SLC30A10: variants seen among roughly 807,000 people sequenced by gnomAD.
The protein encoded by SLC30A10 is calcium/manganese antiporter SLC30A10.
In SLC30A10, 8 loss-of-function variants were observed where a neutral mutation model predicts 21.7. That is an observed-to-expected ratio of 0.37 (90% CI 0.22 to 0.67). SLC30A10 has a LOEUF of 0.67. SLC30A10 is among the 30% of genes least tolerant of loss of function. The probability of loss-of-function intolerance (pLI) is 0.58; values close to 1 mark genes in which losing one functional copy is unlikely to be tolerated. For missense variants in SLC30A10, 521 were observed against 642.5 expected (o/e 0.81, Z 2.04); for synonymous variants, 272 against 279.4 (o/e 0.97, Z 0.26).
upstream of SLC30A10, among the ~76,000 whole-genome samples, chr1:219,932,763 T>G (rs2102538901): frequency 7.3e-6 from 1 of 137,770 alleles, no homozygotes; most frequent in East Asian, 2.2e-4. Context: ...TGCAAAAGAT[T>G]AAAAATGAGG....
At chr1:219,927,234 C>A in intron 1 of SLC30A10, 129 bp from the exon 2 acceptor site, 1 of 887,706 alleles carries the variant, frequency 1.1e-6, no homozygotes, top group East Asian at 2.7e-5. Flanking sequence ...TTCTGCACAC[C>A]CACAGCTCAG....
intron 1 of SLC30A10, among the ~76,000 whole-genome samples, chr1:219,950,944 G>A (rs898667218): frequency 2.0e-4 from 31 of 152,086 alleles, no homozygotes; most frequent in Admixed American, 1.2e-3. Context: ...GCAAAACTCC[G>A]TCTCAAAAAT....
chr1:219,940,891 T>C (rs773995314), intron 1 of SLC30A10, among the ~76,000 whole-genome samples: 3 of 152,198 alleles, frequency 2.0e-5, no homozygotes, highest in Admixed American at 6.5e-5. Flanking sequence ...TCAGATTTGT[T>C]TGGACAACTG....
upstream of SLC30A10, among the ~76,000 whole-genome samples, chr1:219,930,893 T>C (rs1050802559): frequency 3.9e-5 from 6 of 152,232 alleles, no homozygotes; most frequent in Admixed American, 1.3e-4. Context: ...ATAAATGTTC[T>C]ATTATTGTTG....
intron 1 of SLC30A10, among the ~76,000 whole-genome samples, chr1:219,943,816 G>A (rs1163004533): frequency 6.6e-6 from 1 of 152,054 alleles, no homozygotes; most frequent in African/African-American, 2.4e-5. Flanking sequence ...AACTCAATGG[G>A]AGGCCAGGCG....
chr1:219,927,680 A>ACCAC, intron 1 of SLC30A10, 121 bp downstream of exon 1: 1 of 447,718 alleles, frequency 2.2e-6, no homozygotes, highest in Non-Finnish European at 3.1e-6. Context: ...AACAACAACA[A>ACCAC]AAAAAAAAAA....
chr1:219,934,048 G>A (rs1194611079), intron 1 of SLC30A10, among the ~76,000 whole-genome samples: 1 of 152,198 alleles, frequency 6.6e-6, no homozygotes, highest in East Asian at 1.9e-4. Flanking sequence ...CAGCACATTG[G>A]AAGGCCGAGG....
At chr1:219,938,888 C>T (rs1335610964) in intron 1 of SLC30A10, among the ~76,000 whole-genome samples, 1 of 152,192 alleles carries the variant, frequency 6.6e-6, no homozygotes, top group Non-Finnish European at 1.5e-5. Context: ...GTCAGGCAGT[C>T]AGGCAGTATT....
chr1:219,939,441 T>C (rs1303936044), intron 1 of SLC30A10, among the ~76,000 whole-genome samples: 1 of 152,156 alleles, frequency 6.6e-6, no homozygotes, highest in East Asian at 1.9e-4. Flanking sequence ...CCTTTTTTTT[T>C]CTTTGAGACC....
chr1:219,956,836 A>T (rs1271794518), intron 1 of SLC30A10, among the ~76,000 whole-genome samples: 1 of 152,140 alleles, frequency 6.6e-6, no homozygotes, highest in African/African-American at 2.4e-5. Flanking sequence ...TAAAAATAGA[A>T]CTATGGTGTG....
chr1:219,938,426 G>A (rs1372432898), intron 1 of SLC30A10, among the ~76,000 whole-genome samples: 1 of 152,202 alleles, frequency 6.6e-6, no homozygotes, highest in African/African-American at 2.4e-5. Flanking sequence ...AAGCTTGGGA[G>A]AAAGAGTGCA....
At position 219,915,413 on chromosome 1, in the gene SLC30A10, G is replaced by A; in HGVS notation, c.*36C>T. 6.3e-7 allele frequency: 1 copy of A among 1,580,424 alleles called. No homozygotes were observed. Among genetic ancestry groups the A allele is most frequent in the East Asian group, 2.2e-5 (1 of 44,660 alleles). ...TGAGCCAAGCTTGTGGTTCCAAAGT[G>A]CCTCGTCTATATGGTCTGATTATGT... On this transcript the variant is annotated 3_prime_UTR_variant, in exon 4 of 4. Coordinates refer to ENST00000366926, the MANE Select transcript of SLC30A10 (RefSeq NM_018713.3).
At chr1:219,928,685 C>T (rs976875950), upstream of SLC30A10, 109 of 438,840 alleles carry the variant, frequency 2.5e-4, no homozygotes, top group Admixed American at 4.9e-4. This position sits in a 1 kb window ranked among gnomAD's most constrained non-coding sequence, Gnocchi z 6.3. Context: ...TCCCGCGGCC[C>T]TTTTCCCCTC....
At position 219,912,293 on chromosome 1, in the gene SLC30A10, A is replaced by AAG. The variant is rs1659431982; in HGVS notation, c.*3155_*3156insCT. On this transcript the variant is annotated 3_prime_UTR_variant, in exon 4 of 4. Coordinates refer to ENST00000366926, the MANE Select transcript of SLC30A10 (RefSeq NM_018713.3). The stretch of plus-strand genomic sequence containing the variant: ...GAAGAGAGTAATTTTATTTTCTGTC[A>AAG]ACAATGGAGCCTGTGGGTATTCATA... Among the ~76,000 whole-genome samples the AAG allele has an allele frequency of 6.6e-6, 1 of 152,014 alleles. No individual in the cohort carries two copies. Among genetic ancestry groups the AAG allele is most frequent in the Admixed American group, 6.6e-5 (1 of 15,248 alleles).
chr1:219,954,828 G>C (rs1660324643), intron 1 of SLC30A10, among the ~76,000 whole-genome samples: 1 of 151,682 alleles, frequency 6.6e-6, no homozygotes, highest in Admixed American at 6.6e-5. Context: ...ATCCCAGACA[G>C]AAAAAGACGC....
intron 1 of SLC30A10, among the ~76,000 whole-genome samples, chr1:219,956,684 A>G (rs1260616752): frequency 3.3e-5 from 5 of 151,836 alleles, no homozygotes; most frequent in Non-Finnish European, 7.4e-5. Flanking sequence ...AAAAGAAGAA[A>G]AGAAAAAAAA....
Position 219,912,783 on chromosome 1 carries a change from G to A in SLC30A10, c.*2666C>T, listed in dbSNP as rs1483026622. ...CAGGAGGCAGAGCTTGCAGTGAGCCGAGATAGCACCACTGCACTCCAGCCT... is the reference window on the plus strand; with the variant it reads ...CAGGAGGCAGAGCTTGCAGTGAGCCAAGATAGCACCACTGCACTCCAGCCT... On this transcript the variant is annotated 3_prime_UTR_variant, in exon 4 of 4. Transcript: ENST00000366926. 1.3e-5 allele frequency among the ~76,000 whole-genome samples: 2 copies of A among 151,952 alleles called. No individual in the cohort carries two copies. The highest frequency in any genetic ancestry group is 2.4e-5 in the African/African-American group (1 of 41,350).
intron 1 of SLC30A10, among the ~76,000 whole-genome samples, chr1:219,944,331 C>A (rs535765802): frequency 6.6e-6 from 1 of 151,914 alleles, no homozygotes; most frequent in South Asian, 2.1e-4. Flanking sequence ...ACCTTTAGTG[C>A]CAGCTACTCA....
At position 219,913,790 on chromosome 1, in the gene SLC30A10, G is replaced by T. The variant is rs991802404; in HGVS notation, c.*1659C>A. On this transcript the variant is annotated 3_prime_UTR_variant, in exon 4 of 4. Transcript: ENST00000366926. ...AGATAATACATTTTCAAGGAATAAA[G>T]AATTTCCTGGCCAGGTGCAGTGGCT... 1 of 152,106 alleles carries T rather than the reference G, an allele frequency of 6.6e-6. No homozygotes were observed. The highest frequency in any genetic ancestry group is 1.5e-5 in the Non-Finnish European group (1 of 68,020). The allele number at this position is 152,106 out of a possible 1,614,324, so 9.4% of individuals were successfully genotyped here. A position where few individuals can be genotyped will look rare whatever the true frequency, so the allele number is the denominator to read the frequency against.
Sources: allele counts gnomAD v4.1 joint callset (sites outside exome capture counted in the v4.1 genomes callset), GRCh38; gene constraint gnomAD v4.1.1; non-coding constraint Gnocchi (gnomAD v3.1); transcripts MANE v1.5; gene names NCBI Gene and HGNC (gene_info 2026-07-23, HGNC 2026-07-21).